GRID1: variants seen among roughly 807,000 people sequenced by gnomAD.
GRID1 encodes the protein glutamate ionotropic receptor delta type subunit 1.
Under a neutral mutation model 98.0 loss-of-function variants are expected in GRID1, and 28 were observed. The ratio of observed to expected loss-of-function variants is 0.29; its 90% confidence interval spans 0.21 to 0.39. The LOEUF (loss-of-function observed/expected upper bound fraction) is 0.39, where lower values mean the gene tolerates loss of function less well. Ranked by LOEUF, GRID1 falls within the 10% of genes least tolerant of loss-of-function variation. The pLI, the probability that GRID1 is intolerant of heterozygous loss-of-function variation, is 1.00. For synonymous variants in GRID1, 553 were observed against 538.5 expected, an observed-to-expected ratio of 1.03 and a Z score of -0.37; for missense variants, 1,111 against 1,340.5, an observed-to-expected ratio of 0.83 and a Z score of 2.67.
At chr10:85,752,579 T>C (rs114298427) in intron 8 of GRID1, among the ~76,000 whole-genome samples, 1 of 152,338 alleles carries the variant, frequency 6.6e-6, no homozygotes, top group African/African-American at 2.4e-5. Flanking sequence ...AGACCCAATA[T>C]ATACTTATGG....
intron 4 of GRID1, among the ~76,000 whole-genome samples, chr10:86,135,645 G>T (rs1420537645): frequency 1.3e-5 from 2 of 152,090 alleles, no homozygotes; most frequent in Admixed American, 6.5e-5. Context: ...CCCCAGGCAG[G>T]CCCCAGCACC....
Position 86,366,432 on chromosome 10 carries a change from G to C in GRID1, c.-40C>G, listed in dbSNP as rs759973224. ...CGGCTCATCCACCCGGGCCCGGGGCGAGGCCGAGGGCAGCGCGAAGCGGGG... is the reference window on the plus strand; with the variant it reads ...CGGCTCATCCACCCGGGCCCGGGGCCAGGCCGAGGGCAGCGCGAAGCGGGG... On this transcript the variant is annotated 5_prime_UTR_variant, in exon 1 of 16. Coordinates refer to ENST00000327946, the MANE Select transcript of GRID1 (RefSeq NM_017551.3). This position sits in a 1 kb window ranked among gnomAD's most constrained non-coding sequence, Gnocchi z 4.1. 1.4e-6 allele frequency: 2 copies of C among 1,412,076 alleles called. No homozygotes were observed. Among genetic ancestry groups the C allele is most frequent in the South Asian group, 1.3e-5 (1 of 76,300 alleles). The allele number at this position is 1,412,076 out of a possible 1,614,324, so 87.5% of individuals were successfully genotyped here.
intron 4 of GRID1, among the ~76,000 whole-genome samples, chr10:86,046,188 C>T (rs1336255828): frequency 1.3e-5 from 2 of 152,208 alleles, no homozygotes; most frequent in Non-Finnish European, 2.9e-5. Context: ...AGTTACTACC[C>T]TTCCCCTAGA....
intron 13 of GRID1, among the ~76,000 whole-genome samples, chr10:85,627,486 T>C (rs1305701360): frequency 6.6e-6 from 1 of 152,254 alleles, no homozygotes; most frequent in African/African-American, 2.4e-5. Context: ...TGTAAAACTT[T>C]ATGTTTGTGA....
intron 3 of GRID1, among the ~76,000 whole-genome samples, chr10:86,143,268 C>A (rs1198495537): frequency 6.6e-6 from 1 of 152,204 alleles, no homozygotes; most frequent in Admixed American, 6.5e-5. Flanking sequence ...CAGTGAGGAG[C>A]CCAAGCCCAT....
At chr10:86,138,053 G>A (rs1451575931) in intron 4 of GRID1, among the ~76,000 whole-genome samples, 1 of 152,062 alleles carries the variant, frequency 6.6e-6, no homozygotes, top group East Asian at 1.9e-4. Flanking sequence ...ATCTGCCTCT[G>A]CTCCCAGGCA....
chr10:85,770,771 G>A (rs12360436), intron 8 of GRID1, among the ~76,000 whole-genome samples: 4,100 of 152,210 alleles, frequency 0.027, 98 homozygotes, highest in Middle Eastern at 0.051. Context: ...GGGAAGTTTA[G>A]AGAAAAAAGA....
intron 2 of GRID1, among the ~76,000 whole-genome samples, chr10:86,357,606 A>ATG: frequency 6.6e-6 from 1 of 152,258 alleles, no homozygotes; most frequent in South Asian, 2.1e-4. Flanking sequence ...GTACAGGTGG[A>ATG]TGTGTGTGTG....
At chr10:85,928,637 T>C (rs113718082) in intron 4 of GRID1, among the ~76,000 whole-genome samples, 8,620 of 152,264 alleles carry the variant, frequency 0.057, 841 homozygotes, top group African/African-American at 0.2. Context: ...ACAGCTCACA[T>C]CCAGCTGCCC....
At chr10:86,351,417 G>A (rs1848460605) in intron 2 of GRID1, among the ~76,000 whole-genome samples, 1 of 152,204 alleles carries the variant, frequency 6.6e-6, no homozygotes, top group African/African-American at 2.4e-5. Flanking sequence ...AGGGATCAAT[G>A]GGTCCAGCCT....
intron 12 of GRID1, among the ~76,000 whole-genome samples, chr10:85,691,064 G>C (rs1286263288): frequency 1.3e-5 from 2 of 152,160 alleles, no homozygotes; most frequent in Admixed American, 6.5e-5. Flanking sequence ...CACTGAACTA[G>C]TTAATTCTAT....
chr10:85,629,752 T>C (rs1842955131), intron 13 of GRID1, among the ~76,000 whole-genome samples: 1 of 152,194 alleles, frequency 6.6e-6, no homozygotes, highest in Non-Finnish European at 1.5e-5. Context: ...GATTGCTGGG[T>C]AGTTCTATGT....
At chr10:85,670,346 C>G (rs1162140130) in intron 12 of GRID1, among the ~76,000 whole-genome samples, 1 of 152,174 alleles carries the variant, frequency 6.6e-6, no homozygotes, top group African/African-American at 2.4e-5. Flanking sequence ...AGAAACAGAG[C>G]AGTGAGGATT....
chr10:85,888,618 T>TG (rs2131807950), intron 5 of GRID1, among the ~76,000 whole-genome samples: 1 of 152,362 alleles, frequency 6.6e-6, no homozygotes, highest in South Asian at 2.1e-4. Flanking sequence ...CGAGCTCCTC[T>TG]GGCTGGTTGG....
chr10:86,085,704 A>G (rs1417581054), intron 4 of GRID1, among the ~76,000 whole-genome samples: 2 of 151,962 alleles, frequency 1.3e-5, no homozygotes, highest in Non-Finnish European at 2.9e-5. Flanking sequence ...CCTCCATCCA[A>G]TGGTCTCCAT....
chr10:85,778,782 G>A (rs1476598221), intron 8 of GRID1, among the ~76,000 whole-genome samples: 2 of 152,296 alleles, frequency 1.3e-5, no homozygotes, highest in South Asian at 4.1e-4. Flanking sequence ...CCAGCCTGGA[G>A]GCAGATAGTA....
chr10:85,632,757 T>A (rs1019609241), intron 13 of GRID1, among the ~76,000 whole-genome samples: 1 of 152,200 alleles, frequency 6.6e-6, no homozygotes, highest in African/African-American at 2.4e-5. Context: ...GTGGGATACA[T>A]GTGCAAGATG....
chr10:86,281,238 G>A (rs1847352882), intron 2 of GRID1, among the ~76,000 whole-genome samples: 1 of 152,216 alleles, frequency 6.6e-6, no homozygotes. Context: ...TGGATAAAGA[G>A]AGGCAAGAAA....
chr10:85,640,517 G>A (rs984099085), intron 13 of GRID1, among the ~76,000 whole-genome samples: 5 of 152,126 alleles, frequency 3.3e-5, no homozygotes, highest in Admixed American at 6.5e-5. Flanking sequence ...TATAAGCCTC[G>A]CCCTACTTCT....
Sources: allele counts gnomAD v4.1 joint callset (sites outside exome capture counted in the v4.1 genomes callset), GRCh38; gene constraint gnomAD v4.1.1; non-coding constraint Gnocchi (gnomAD v3.1); transcripts MANE v1.5; gene names NCBI Gene and HGNC (gene_info 2026-07-23, HGNC 2026-07-21).